The following NCKAP5 variants were observed in gnomAD, a reference collection of about 807,000 sequenced individuals.
The protein encoded by NCKAP5 is NCK associated protein 5.
NCKAP5 carries 92 observed loss-of-function variants against 167.0 expected under a neutral mutation model. The ratio of observed to expected loss-of-function variants is 0.55; its 90% CI spans 0.47 to 0.66. The LOEUF (loss-of-function observed/expected upper bound fraction) is 0.66. Among genes scored for constraint, NCKAP5 ranks in the 30% least tolerant of loss-of-function variants. NCKAP5 has a pLI of 0.00. For synonymous variants in NCKAP5, 891 were observed against 877.4 expected (o/e 1.02, Z -0.27); for missense variants, 2,378 against 2,315.0 (o/e 1.03, Z -0.56).
intron 6 of NCKAP5, among the ~76,000 whole-genome samples, chr2:133,124,989 C>T (rs777039034): frequency 3.3e-5 from 5 of 152,038 alleles, no homozygotes; most frequent in South Asian, 2.1e-4. Flanking sequence ...TAGGCTGCAG[C>T]GAGGTGAGGC....
chr2:132,797,860 T>G (rs557256618), intron 11 of NCKAP5, among the ~76,000 whole-genome samples: 1 of 152,316 alleles, frequency 6.6e-6, no homozygotes, highest in South Asian at 2.1e-4. Flanking sequence ...CTCTTTAGGC[T>G]GAACTTCTGT....
At chr2:132,717,525 G>A (rs1689479767) in intron 19 of NCKAP5, among the ~76,000 whole-genome samples, 1 of 152,112 alleles carries the variant, frequency 6.6e-6, no homozygotes, top group Non-Finnish European at 1.5e-5. Context: ...AAAGTCCTTG[G>A]CCTTGAGAAG....
chr2:132,839,712 C>T lies in NCKAP5; in HGVS notation c.807+20780G>A, dbSNP rs555752549. On this transcript the variant is annotated intron_variant, in intron 11 of 19. Coordinates refer to ENST00000409261, the MANE Select transcript of NCKAP5 (RefSeq NM_207363.3). ...GGTTGAGGCTATAGTGAACTTTGAT[C>T]ATGGCACTGCTCTCCAGCCTGCGTG... is the stretch of plus-strand genomic sequence containing the variant. Among the ~76,000 whole-genome samples, 9 of 131,142 alleles carry T rather than the reference C, an allele frequency of 6.9e-5. No individual in the cohort carries two copies. The South Asian group carries it at 2.2e-3, about 32-fold the overall frequency. The allele number at this position is 131,142 out of a possible 152,430, so 86.0% of individuals were successfully genotyped here. A position where few individuals can be genotyped will look rare whatever the true frequency, so the allele number is the denominator to read the frequency against.
intron 3 of NCKAP5, among the ~76,000 whole-genome samples, chr2:133,383,206 C>G (rs1026992935): frequency 3.3e-5 from 5 of 152,042 alleles, no homozygotes; most frequent in African/African-American, 4.8e-5. Context: ...CTAATGCTAT[C>G]CCTCCCCACT....
intron 6 of NCKAP5, among the ~76,000 whole-genome samples, chr2:133,029,580 T>A (rs969806756): frequency 2.6e-5 from 4 of 152,194 alleles, no homozygotes; most frequent in African/African-American, 4.8e-5. Flanking sequence ...AGACATGACA[T>A]CTAGGGTGCT....
intron 11 of NCKAP5, among the ~76,000 whole-genome samples, chr2:132,827,136 T>C (rs1687180387): frequency 6.6e-6 from 1 of 152,142 alleles, no homozygotes; most frequent in African/African-American, 2.4e-5. Flanking sequence ...TGGAAAAAAT[T>C]ACAACTGCAA....
At chr2:133,210,988 A>G (rs1220956825) in intron 5 of NCKAP5, among the ~76,000 whole-genome samples, 1 of 143,580 alleles carries the variant, frequency 7.0e-6, no homozygotes, top group African/African-American at 2.6e-5. Context: ...CATTCCCCCA[A>G]CCCTCCCTAC....
rs187686973 is a variant in NCKAP5, at chr2:132,928,315, A to T, written c.579+35405T>A. Among the ~76,000 whole-genome samples the T allele has an allele frequency of 1.8e-3, 281 of 152,330 alleles. 1 individual carries two copies. Among genetic ancestry groups the T allele is most frequent in the African/African-American group, 6.3e-3 (260 of 41,586 alleles). On this transcript the variant is annotated intron_variant, in intron 8 of 19. Transcript: ENST00000409261. ...ATCTGGCATGTGGTAAGCACTACGTATGATAAATTAAGATAAAATGCTTGC... is the reference window on the plus strand; with the variant it reads ...ATCTGGCATGTGGTAAGCACTACGTTTGATAAATTAAGATAAAATGCTTGC...
chr2:133,263,293 A>T (rs1038781363), intron 4 of NCKAP5, among the ~76,000 whole-genome samples: 17 of 152,006 alleles, frequency 1.1e-4, no homozygotes, highest in African/African-American at 3.9e-4. Context: ...GAAAAAAAAA[A>T]AAAAAACTCT....
At chr2:133,441,042 GA>G (rs1223294598) in intron 3 of NCKAP5, among the ~76,000 whole-genome samples, 1 of 151,862 alleles carries the variant, frequency 6.6e-6, no homozygotes, top group Admixed American at 6.6e-5. Context: ...CCACATATTA[GA>G]AAACACAGGA....
intron 7 of NCKAP5, among the ~76,000 whole-genome samples, chr2:132,970,278 T>C (rs1172814721): frequency 6.6e-6 from 1 of 152,190 alleles, no homozygotes; most frequent in African/African-American, 2.4e-5. Context: ...ATCTGAGATA[T>C]ACACAGCAAA....
intron 4 of NCKAP5, among the ~76,000 whole-genome samples, chr2:133,276,902 G>A (rs1049725287): frequency 2.0e-5 from 3 of 151,966 alleles, no homozygotes; most frequent in Non-Finnish European, 4.4e-5. Flanking sequence ...TTTAGTATAT[G>A]ACACCCTGTT....
intron 3 of NCKAP5, among the ~76,000 whole-genome samples, chr2:133,407,021 G>T (rs1464420185): frequency 6.6e-6 from 1 of 152,190 alleles, no homozygotes; most frequent in African/African-American, 2.4e-5. Flanking sequence ...AGCATGGAGA[G>T]CACTTACAGA....
Position 132,984,081 on chromosome 2 carries a change from A to ACT in NCKAP5, c.429+10069_429+10070dup, listed in dbSNP as rs936934132. ...AGACCAGCCAGAGCAACATAGTGAG[A>ACT]CTCTCTCTCTCTCTAACAAAAGAAT... On this transcript the variant is annotated intron_variant, in intron 7 of 19. Transcript: ENST00000409261. Among the ~76,000 whole-genome samples the ACT allele has an allele frequency of 7.9e-5, 12 of 151,618 alleles. No individual in the cohort carries two copies. In the East Asian group the frequency reaches 1.2e-3, roughly 15 times the overall value.
rs573364748 is a variant in NCKAP5 at position 132,963,960 on chromosome 2, G to A, written c.430-91C>T. 91 of 1,402,982 alleles carry A rather than the reference G, an allele frequency of 6.5e-5. 1 individual carries two copies. The highest frequency in any genetic ancestry group is 2.6e-4 in the Admixed American group (14 of 52,984). 86.9% of individuals were successfully genotyped at this position (1,402,982 alleles called of 1,614,324 possible). ...GAAAAGGCTGGAATCATTCTCCTGCGTGTGCATTCTTCCGGGGCTGGGAGT... is the reference window on the plus strand; with the variant it reads ...GAAAAGGCTGGAATCATTCTCCTGCATGTGCATTCTTCCGGGGCTGGGAGT... On this transcript the variant is annotated intron_variant, in intron 7 of 19. Transcript: ENST00000409261.
intron 3 of NCKAP5, among the ~76,000 whole-genome samples, chr2:133,468,896 A>G (rs1165000029): frequency 6.6e-6 from 1 of 152,118 alleles, no homozygotes; most frequent in Non-Finnish European, 1.5e-5. Context: ...TTTTGAGCCT[A>G]TGTGTGTCTC....
chr2:133,497,626 T>C (rs927984193), intron 3 of NCKAP5, among the ~76,000 whole-genome samples: 1 of 152,178 alleles, frequency 6.6e-6, no homozygotes, highest in Non-Finnish European at 1.5e-5. Context: ...ATAGGATCCT[T>C]GTCCTGTGTA....
chr2:133,204,886 C>A (rs2085874313), intron 5 of NCKAP5, among the ~76,000 whole-genome samples: 2 of 152,192 alleles, frequency 1.3e-5, no homozygotes, highest in South Asian at 4.1e-4. Context: ...TTGGTCATGA[C>A]ACTTTCCTAC....
intron 6 of NCKAP5, among the ~76,000 whole-genome samples, chr2:133,031,412 C>T (rs1302676444): frequency 6.6e-6 from 1 of 152,176 alleles, no homozygotes; most frequent in Non-Finnish European, 1.5e-5. Context: ...TTAAACCAGC[C>T]TCAGCCAGAG....
Sources: gnomAD v4.1 joint callset for allele counts (sites outside exome capture counted in the v4.1 genomes callset) on GRCh38, gnomAD v4.1.1 for gene constraint, MANE v1.5 for transcripts, NCBI Gene and HGNC (gene_info 2026-07-23, HGNC 2026-07-21) for gene names.